Variants in NEBL observed in about 807,000 individuals in gnomAD.
The protein encoded by NEBL is LIM and SH3 protein 2.
NEBL carries 122 observed loss-of-function variants against 140.2 expected under a neutral mutation model. The ratio of observed to expected loss-of-function variants is 0.87; its 90% confidence interval spans 0.75 to 1.01. NEBL has a LOEUF of 1.01. Among genes scored for constraint, NEBL ranks in the 50% least tolerant of loss-of-function variants. NEBL has a pLI of 0.00. For synonymous variants in NEBL, 436 were observed against 398.9 expected (o/e 1.09, Z -1.11); for missense variants, 1,365 against 1,231.3 (o/e 1.11, Z -1.62).
chr10:21,151,959 G>A (rs191996180), intron 2 of NEBL, among the ~76,000 whole-genome samples: 269 of 152,318 alleles, frequency 1.8e-3, no homozygotes, highest in African/African-American at 5.9e-3. Flanking sequence ...ACGAGGGCAG[G>A]AATTTTCCTC....
At chr10:20,811,613 T>C (rs946624466) in intron 24 of NEBL, among the ~76,000 whole-genome samples, 4 of 152,216 alleles carry the variant, frequency 2.6e-5, no homozygotes, top group African/African-American at 9.7e-5. Flanking sequence ...GTCACTTTAG[T>C]ATAATCATCC....
At chr10:21,078,016 G>A (rs967259000) in intron 2 of NEBL, among the ~76,000 whole-genome samples, 5 of 152,202 alleles carry the variant, frequency 3.3e-5, no homozygotes, top group African/African-American at 4.8e-5. Context: ...TCCAGAGCAC[G>A]GATTGACTCT....
chr10:21,015,793 A>G (rs966510411), intron 3 of NEBL, among the ~76,000 whole-genome samples: 2 of 152,232 alleles, frequency 1.3e-5, no homozygotes, highest in African/African-American at 4.8e-5. Flanking sequence ...GATTACAGGC[A>G]TAAGCCACAG....
intron 4 of NEBL, among the ~76,000 whole-genome samples, chr10:20,916,901 T>C (rs887608172): frequency 1.3e-5 from 2 of 152,172 alleles, no homozygotes; most frequent in African/African-American, 4.8e-5. Flanking sequence ...AGTTAGACTT[T>C]TTAGAATATT....
At chr10:20,880,951 T>C (rs1419385709) in intron 4 of NEBL, 47 bp from the exon 5 acceptor site, 4 of 1,440,080 alleles carry the variant, frequency 2.8e-6, no homozygotes, top group Non-Finnish European at 3.9e-6. Context: ...GCATATAAAT[T>C]CTTGCCTGCT....
upstream of NEBL, among the ~76,000 whole-genome samples, chr10:21,177,341 C>A: frequency 6.6e-6 from 1 of 152,122 alleles, no homozygotes; most frequent in Non-Finnish European, 1.5e-5. Context: ...CCACAGCAAG[C>A]CCACAGCCTT....
intron 2 of NEBL, among the ~76,000 whole-genome samples, chr10:21,120,318 T>G: frequency 7.0e-6 from 1 of 142,566 alleles, no homozygotes; most frequent in African/African-American, 2.6e-5. Context: ...AAGGCTACAG[T>G]GAGCTGTGAT....
At chr10:21,059,309 T>G (rs534346695) in intron 2 of NEBL, among the ~76,000 whole-genome samples, 1 of 152,364 alleles carries the variant, frequency 6.6e-6, no homozygotes, top group South Asian at 2.1e-4. Context: ...GCACTCTATC[T>G]GTTGGATGCT....
chr10:20,853,406 C>A (rs997310224), intron 9 of NEBL, among the ~76,000 whole-genome samples: 2 of 152,088 alleles, frequency 1.3e-5, no homozygotes, highest in Non-Finnish European at 2.9e-5. Context: ...CATTAGCAAC[C>A]TAAGTGTCCA....
intron 3 of NEBL, among the ~76,000 whole-genome samples, chr10:21,199,721 A>G (rs529830812): frequency 6.6e-6 from 1 of 152,298 alleles, no homozygotes; most frequent in East Asian, 1.9e-4. Flanking sequence ...GCTAAGGCTC[A>G]CTGGTGAGTC....
At chr10:21,016,075 T>TG (rs1476501468) in intron 3 of NEBL, among the ~76,000 whole-genome samples, 1 of 152,238 alleles carries the variant, frequency 6.6e-6, no homozygotes, top group African/African-American at 2.4e-5. Context: ...TGCGGGCCCG[T>TG]GGGGGCGTCT....
At position 20,784,127 on chromosome 10, in the gene NEBL, C is replaced by T. The variant is rs1835205432; in HGVS notation, c.*1620G>A. 1 of 152,134 alleles carries T rather than the reference C, an allele frequency of 6.6e-6. No individual in the cohort carries two copies. Among genetic ancestry groups the T allele is most frequent in the Admixed American group, 6.5e-5 (1 of 15,272 alleles). 9.4% of individuals were successfully genotyped at this position (152,134 alleles called of 1,614,324 possible). A position where few individuals can be genotyped will look rare whatever the true frequency, so the allele number is the denominator to read the frequency against. On this transcript the variant is annotated 3_prime_UTR_variant, in exon 28 of 28. Coordinates refer to ENST00000377122, the MANE Select transcript of NEBL (RefSeq NM_006393.3). Reference sequence around the variant, plus strand: ...GTTTTGTTAATTTCCTTGAATATAACATATAAGGCAGATATCCCCAAGACC... The same window carrying T: ...GTTTTGTTAATTTCCTTGAATATAATATATAAGGCAGATATCCCCAAGACC...
chr10:20,784,182 G>A lies in NEBL; in HGVS notation c.*1565C>T, dbSNP rs1324201602. ...CATCTTAGTACTTTTTTGCAGTTTT[G>A]CTTTTTCGGTTTTGTCATAGCTGTG... On this transcript the variant is annotated 3_prime_UTR_variant, in exon 28 of 28. Transcript: ENST00000377122. 1.3e-5 allele frequency: 2 copies of A among 152,130 alleles called. No homozygotes were observed. The highest frequency in any genetic ancestry group is 6.6e-5 in the Admixed American group (1 of 15,266). The allele number at this position is 152,130 out of a possible 1,614,324, so 9.4% of individuals were successfully genotyped here.
intron 2 of NEBL, among the ~76,000 whole-genome samples, chr10:21,073,416 A>G (rs192197349): frequency 6.6e-6 from 1 of 151,980 alleles, no homozygotes; most frequent in East Asian, 2.0e-4. Flanking sequence ...CAGGAGTTCA[A>G]GACCAACCTG....
intron 1 of NEBL, among the ~76,000 whole-genome samples, chr10:21,259,845 G>A (rs1196802673): frequency 6.6e-6 from 1 of 152,164 alleles, no homozygotes; most frequent in African/African-American, 2.4e-5. Flanking sequence ...CAGGGGGGTG[G>A]ATCTAAGGTG....
intron 3 of NEBL, among the ~76,000 whole-genome samples, chr10:21,205,736 T>C (rs555214280): frequency 6.6e-6 from 1 of 152,314 alleles, no homozygotes; most frequent in African/African-American, 2.4e-5. Flanking sequence ...TAGGTATATT[T>C]ATGATTGCTC....
At chr10:20,935,915 G>T (rs1263386549) in intron 4 of NEBL, among the ~76,000 whole-genome samples, 1 of 152,072 alleles carries the variant, frequency 6.6e-6, no homozygotes, top group African/African-American at 2.4e-5. Context: ...GAAAAAAATT[G>T]CAGCACTATT....
At chr10:21,181,346 A>G (rs1018416219) in intron 3 of NEBL, among the ~76,000 whole-genome samples, 14 of 152,090 alleles carry the variant, frequency 9.2e-5, no homozygotes, top group African/African-American at 3.4e-4. Context: ...AATAAGAAAA[A>G]ATAAACAGAG....
intron 4 of NEBL, among the ~76,000 whole-genome samples, chr10:20,943,570 C>T (rs1015612564): frequency 6.6e-6 from 1 of 151,894 alleles, no homozygotes; most frequent in African/African-American, 2.4e-5. Context: ...GCACATGTAC[C>T]CTAAAAGTTA....
Sources: allele counts gnomAD v4.1 joint callset (sites outside exome capture counted in the v4.1 genomes callset), GRCh38; gene constraint gnomAD v4.1.1; transcripts MANE v1.5; gene names NCBI Gene and HGNC (gene_info 2026-07-23, HGNC 2026-07-21).